TFCP2: variants seen among roughly 807,000 people sequenced by gnomAD.
TFCP2 encodes alpha-globin transcription factor CP2.
In TFCP2, 33 loss-of-function variants were observed where a neutral mutation model predicts 73.4. The observed-to-expected ratio is 0.45, with a 90% CI of 0.34 to 0.60. The LOEUF (loss-of-function observed/expected upper bound fraction) is 0.60, where lower values mean the gene tolerates loss of function less well. Among genes scored for constraint, TFCP2 ranks in the 20% least tolerant of loss-of-function variants. TFCP2 has a pLI of 0.01. For synonymous variants in TFCP2, 193 were observed against 211.6 expected, an observed-to-expected ratio of 0.91 and a Z score of 0.76; for missense variants, 352 against 604.0, an observed-to-expected ratio of 0.58 and a Z score of 4.37.
chr12:51,161,865 G>C (rs952736342), intron 1 of TFCP2, among the ~76,000 whole-genome samples: 46 of 146,330 alleles, frequency 3.1e-4, no homozygotes, highest in African/African-American at 1.1e-3. Context: ...AATATGCTCA[G>C]AGAGTTGAAG....
chr12:51,122,261 T>C (rs1160140353), intron 1 of TFCP2, among the ~76,000 whole-genome samples: 3 of 139,354 alleles, frequency 2.2e-5, no homozygotes, highest in East Asian at 2.0e-4. Flanking sequence ...TTCTTTTTTT[T>C]TTTTTTTTTT....
intron 1 of TFCP2, among the ~76,000 whole-genome samples, chr12:51,169,012 G>C (rs1477984573): frequency 1.3e-5 from 2 of 151,440 alleles, no homozygotes; most frequent in African/African-American, 4.8e-5. Flanking sequence ...ACGTTGGCCA[G>C]GCTGGTCTCA....
chr12:51,098,216 A>G (rs1259193571), intron 13 of TFCP2, among the ~76,000 whole-genome samples: 1 of 152,220 alleles, frequency 6.6e-6, no homozygotes, highest in African/African-American at 2.4e-5. Context: ...TGATGTAACC[A>G]TTTCACTTAA....
At chr12:51,137,481 G>T (rs954592419) in intron 1 of TFCP2, among the ~76,000 whole-genome samples, 5 of 152,074 alleles carry the variant, frequency 3.3e-5, no homozygotes, top group African/African-American at 1.2e-4. Context: ...AATCAGCAAA[G>T]CCCTACCTCA....
intron 1 of TFCP2, among the ~76,000 whole-genome samples, chr12:51,166,545 G>A (rs946021242): frequency 9.2e-5 from 14 of 152,176 alleles, no homozygotes; most frequent in Middle Eastern, 3.4e-3. Flanking sequence ...CTGCATGAGT[G>A]CCCAAAAAGT....
At chr12:51,126,763 T>C (rs1302550945) in intron 1 of TFCP2, among the ~76,000 whole-genome samples, 4 of 152,190 alleles carry the variant, frequency 2.6e-5, no homozygotes, top group African/African-American at 9.6e-5. Context: ...CATGCTAACA[T>C]CCCTGTGTTA....
Position 51,110,957 on chromosome 12 carries a change from C to G in TFCP2, c.484G>C (p.Asp162His). The change falls in exon 5 of 15, where the codon GAT becomes CAT. Residue 162 changes from aspartate to histidine, a missense_variant. Transcript: ENST00000257915. The part of the protein sequence containing the change: ...IDIPMSVGII[D>H]PRANPTQLNT... Reference sequence around the variant, plus strand: ...AGTTGAGTTGGATTAGCCCTAGGATCGATTATACCCACAGACATCGGGATA... The same window carrying G: ...AGTTGAGTTGGATTAGCCCTAGGATGGATTATACCCACAGACATCGGGATA... 1 of 1,613,598 alleles carries G rather than the reference C, an allele frequency of 6.2e-7. No homozygotes were observed. The highest frequency in any genetic ancestry group is 8.5e-7 in the Non-Finnish European group (1 of 1,179,718).
chr12:51,157,877 C>T (rs1325738808), intron 1 of TFCP2, among the ~76,000 whole-genome samples: 5 of 151,478 alleles, frequency 3.3e-5, no homozygotes, highest in Non-Finnish European at 7.4e-5. Context: ...AGGATTTTGC[C>T]ATGTTGGCCA....
intron 1 of TFCP2, among the ~76,000 whole-genome samples, chr12:51,170,343 C>CTTTTTTTTT (rs4026184): frequency 0.23 from 33,174 of 146,422 alleles, 4,709 homozygotes; most frequent in African/African-American, 0.41. Context: ...TAAAATCTTT[C>CTTTTTTTTT]TTTTTTTTTA....
chr12:51,103,931 T>C, intron 9 of TFCP2, 168 bp from the exon 10 acceptor site: 1 of 698,022 alleles, frequency 1.4e-6, no homozygotes, highest in Non-Finnish European at 2.4e-6. Flanking sequence ...CATCCTTTTC[T>C]TCCCCACTAG....
At chr12:51,154,681 G>A (rs917729840) in intron 1 of TFCP2, among the ~76,000 whole-genome samples, 1 of 152,130 alleles carries the variant, frequency 6.6e-6, no homozygotes, top group African/African-American at 2.4e-5. Context: ...GTGACACAGT[G>A]AGAGTCCATC....
chr12:51,101,573 C>T (rs540114890), intron 11 of TFCP2, among the ~76,000 whole-genome samples: 69 of 152,230 alleles, frequency 4.5e-4, no homozygotes, highest in African/African-American at 1.6e-3. Flanking sequence ...TTATCACTAT[C>T]CACAATATTT....
intron 1 of TFCP2, among the ~76,000 whole-genome samples, chr12:51,132,438 G>C (rs868550731): frequency 7.6e-6 from 1 of 131,472 alleles, no homozygotes; most frequent in Non-Finnish European, 1.5e-5. Flanking sequence ...GTGCCATCTC[G>C]GCTCACTGGA....
At chr12:51,159,178 C>CAAA (rs139446881) in intron 1 of TFCP2, among the ~76,000 whole-genome samples, 1 of 120,530 alleles carries the variant, frequency 8.3e-6, no homozygotes, top group Non-Finnish European at 1.7e-5. Flanking sequence ...GACTCTGTCT[C>CAAA]AAAAAAAAAA....
At chr12:51,142,134 G>A (rs1941206123) in intron 1 of TFCP2, among the ~76,000 whole-genome samples, 1 of 147,838 alleles carries the variant, frequency 6.8e-6, no homozygotes, top group Admixed American at 6.8e-5. Context: ...AATCCCCAAG[G>A]CGGAGATTGC....
At chr12:51,170,023 T>C (rs1467473100) in intron 1 of TFCP2, among the ~76,000 whole-genome samples, 1 of 152,232 alleles carries the variant, frequency 6.6e-6, no homozygotes, top group Non-Finnish European at 1.5e-5. Flanking sequence ...ATTTCCAGCC[T>C]AACCTCTGGT....
rs1281728197 is a variant in TFCP2 at position 51,172,607 on chromosome 12, C to G, written c.-185G>C. 1.4e-6 allele frequency: 1 copy of G among 719,306 alleles called. No homozygotes were observed. Among genetic ancestry groups the G allele is most frequent in the Non-Finnish European group, 2.2e-6 (1 of 460,202 alleles). 44.6% of individuals were successfully genotyped at this position (719,306 alleles called of 1,614,324 possible). On this transcript the variant is annotated 5_prime_UTR_variant, in exon 1 of 15. Transcript: ENST00000257915. ...CACAACTAATCTCCCGTACCCTTGG[C>G]TGCTCGTTCTTGGCTGCCCCAGGTT... is the stretch of plus-strand genomic sequence containing the variant.
chr12:51,109,302 G>C, intron 5 of TFCP2, 29 bp from the exon 6 acceptor site: 2 of 1,611,798 alleles, frequency 1.2e-6, no homozygotes, highest in Non-Finnish European at 1.7e-6. Flanking sequence ...CAAGGCTTCA[G>C]TACCGCTAGC....
chr12:51,099,627 C>G, intron 12 of TFCP2, 28 bp downstream of exon 12: 1 of 1,608,544 alleles, frequency 6.2e-7, no homozygotes. Flanking sequence ...TTCTTCATAT[C>G]TGTCCTAGTG....
Sources: gnomAD v4.1 joint callset for allele counts (sites outside exome capture counted in the v4.1 genomes callset) on GRCh38, gnomAD v4.1.1 for gene constraint, MANE v1.5 for transcripts, NCBI Gene and HGNC (gene_info 2026-07-23, HGNC 2026-07-21) for gene names.